TMEM71: variants seen among roughly 807,000 people sequenced by gnomAD.
The protein encoded by TMEM71 is transmembrane protein 71.
TMEM71 carries 44 observed loss-of-function variants against 38.0 expected under a neutral mutation model. The observed-to-expected ratio is 1.16, with a 90% CI of 0.91 to 1.49. The LOEUF is 1.49. Among genes scored for constraint, TMEM71 ranks in the 40% most tolerant of loss-of-function variants. The pLI is 0.00. For missense variants in TMEM71, 367 were observed against 348.6 expected (o/e 1.05, Z -0.42); for synonymous variants, 133 against 122.5 (o/e 1.09, Z -0.56).
chr8:132,750,494 T>C (rs890875349), intron 4 of TMEM71, among the ~76,000 whole-genome samples: 2 of 152,184 alleles, frequency 1.3e-5, no homozygotes, highest in Non-Finnish European at 2.9e-5. Flanking sequence ...AGTCCAATGG[T>C]CTCAAGGGAA....
intron 5 of TMEM71, among the ~76,000 whole-genome samples, chr8:132,740,677 G>C (rs1217227216): frequency 6.6e-6 from 1 of 152,194 alleles, no homozygotes; most frequent in African/African-American, 2.4e-5. Flanking sequence ...AGTGTGATCT[G>C]TGTCAATTGC....
At chr8:132,727,769 T>C (rs1410614588) in intron 6 of TMEM71, 29 bp downstream of exon 6, 6 of 1,538,986 alleles carry the variant, frequency 3.9e-6, no homozygotes, top group East Asian at 4.6e-5. Context: ...TCTTTGGGTG[T>C]GGCAAATATT....
chr8:132,729,192 C>A (rs960468688), intron 5 of TMEM71, among the ~76,000 whole-genome samples: 4 of 152,130 alleles, frequency 2.6e-5, no homozygotes, highest in Non-Finnish European at 4.4e-5. Flanking sequence ...AATTTTAATC[C>A]TTGATTCTTA....
chr8:132,751,501 T>C (rs1206405154), intron 4 of TMEM71, among the ~76,000 whole-genome samples: 1 of 152,244 alleles, frequency 6.6e-6, no homozygotes, highest in Non-Finnish European at 1.5e-5. Flanking sequence ...TTGCTTTCAT[T>C]TGTTTTCATG....
chr8:132,768,470 G>A, the TMEM71 span, among the ~76,000 whole-genome samples: 2 of 151,938 alleles, frequency 1.3e-5, no homozygotes, highest in Admixed American at 6.6e-5. Context: ...GATATTTCCC[G>A]CAACTAGAAT....
At chr8:132,771,009 C>A in the TMEM71 span, among the ~76,000 whole-genome samples, 1 of 152,142 alleles carries the variant, frequency 6.6e-6, no homozygotes, top group African/African-American at 2.4e-5. Flanking sequence ...GCAAGAGACA[C>A]TAGTTAACAA....
At chr8:132,757,906 G>C (rs1310033182) in intron 2 of TMEM71, 5 of 151,954 alleles carry the variant, frequency 3.3e-5, no homozygotes, top group African/African-American at 9.7e-5. Context: ...GCTCATGTAA[G>C]GATGGGAAAA....
Position 132,727,980 on chromosome 8 carries a change from T to C in TMEM71, c.494A>G (p.Asp165Gly). The C allele has an allele frequency of 6.2e-7, 1 of 1,610,228 alleles. No individual in the cohort carries two copies. Among genetic ancestry groups the C allele is most frequent in the Non-Finnish European group, 8.5e-7 (1 of 1,178,608 alleles). ...DTDHCNGNAD[D>G]LDCSSLTDDW... is the part of the protein sequence containing the mutation. ...ATCAGTCAGAGAAGAACAGTCTAAATCATCTGCTGAAAAAGCAGAGGGGTT... is the reference window on the plus strand; with the variant it reads ...ATCAGTCAGAGAAGAACAGTCTAAACCATCTGCTGAAAAAGCAGAGGGGTT... The change falls in exon 6 of 10, where the codon GAT (aspartate) becomes GGT (glycine). Residue 165 changes from aspartate to glycine, a missense_variant. Asp to Gly is a moderately conservative substitution (Grantham distance 94). Coordinates refer to ENST00000677595, the MANE Select transcript of TMEM71 (RefSeq NM_001382403.1).
At chr8:132,752,510 G>C (rs1034230825) in intron 3 of TMEM71, among the ~76,000 whole-genome samples, 1 of 152,100 alleles carries the variant, frequency 6.6e-6, no homozygotes, top group Non-Finnish European at 1.5e-5. Flanking sequence ...TACCTTCCCT[G>C]ATTTGGTATC....
At chr8:132,771,432 T>G in the TMEM71 span, among the ~76,000 whole-genome samples, 2 of 152,134 alleles carry the variant, frequency 1.3e-5, no homozygotes, top group Non-Finnish European at 2.9e-5. Context: ...TGACCCTTAG[T>G]AGCAGAGACT....
At chr8:132,722,458 A>C (rs963409351) in intron 6 of TMEM71, among the ~76,000 whole-genome samples, 2 of 152,268 alleles carry the variant, frequency 1.3e-5, no homozygotes, top group Non-Finnish European at 2.9e-5. Flanking sequence ...CATTGTGATA[A>C]TAATAATGTC....
intron 3 of TMEM71, among the ~76,000 whole-genome samples, chr8:132,754,209 T>C (rs1246314797): frequency 1.3e-5 from 2 of 152,176 alleles, no homozygotes; most frequent in Non-Finnish European, 2.9e-5. Context: ...TAAGTCACAT[T>C]AGCTTGATTC....
intron 6 of TMEM71, among the ~76,000 whole-genome samples, 199 bp downstream of exon 6, chr8:132,727,599 T>A (rs192221202): frequency 3.3e-5 from 5 of 150,814 alleles, no homozygotes; most frequent in Non-Finnish European, 1.5e-5. Context: ...CAGTTACTGA[T>A]GCCTCTAACA....
chr8:132,759,820 T>C (rs973293640), intron 1 of TMEM71, among the ~76,000 whole-genome samples: 2 of 152,210 alleles, frequency 1.3e-5, no homozygotes, highest in African/African-American at 2.4e-5. Context: ...AAATTATATA[T>C]AAACCCTATT....
chr8:132,721,192 G>A (rs1586786264), intron 7 of TMEM71, among the ~76,000 whole-genome samples: 1 of 152,318 alleles, frequency 6.6e-6, no homozygotes, highest in Middle Eastern at 3.4e-3. Context: ...ACAGGAGTGG[G>A]CCTAGCACCA....
chr8:132,766,789 A>G, the TMEM71 span, among the ~76,000 whole-genome samples: 1 of 76,594 alleles, frequency 1.3e-5, no homozygotes, highest in Non-Finnish European at 3.5e-5. Flanking sequence ...TGTCTAAAAA[A>G]AAAAAATAAA....
intron 7 of TMEM71, among the ~76,000 whole-genome samples, chr8:132,718,700 C>T (rs1826675450): frequency 6.6e-6 from 1 of 152,202 alleles, no homozygotes; most frequent in Admixed American, 6.5e-5. Context: ...CCCAGCCCCC[C>T]TACCTGGGGA....
the TMEM71 span, among the ~76,000 whole-genome samples, chr8:132,767,538 G>A: frequency 2.0e-5 from 3 of 149,194 alleles, no homozygotes; most frequent in African/African-American, 4.9e-5. Flanking sequence ...GCAGTGGCAC[G>A]ATCTCAGCTC....
upstream of TMEM71, among the ~76,000 whole-genome samples, chr8:132,763,255 G>T (rs1168443663): frequency 1.3e-5 from 2 of 152,236 alleles, no homozygotes; most frequent in Non-Finnish European, 2.9e-5. Flanking sequence ...CTTGTAATAA[G>T]AAACGTACTC....
Sources: gnomAD v4.1 joint callset for allele counts (sites outside exome capture counted in the v4.1 genomes callset) on GRCh38, gnomAD v4.1.1 for gene constraint, MANE v1.5 for transcripts, NCBI Gene and HGNC (gene_info 2026-07-23, HGNC 2026-07-21) for gene names.